AKAP6: variants seen among roughly 807,000 people sequenced by gnomAD.
AKAP6 encodes the protein A-kinase anchoring protein 6, also known as A-kinase anchor protein 6.
In AKAP6, 58 loss-of-function variants were observed where a neutral mutation model predicts 188.5. That is an observed-to-expected ratio of 0.31 (90% confidence interval 0.25 to 0.38). The LOEUF (loss-of-function observed/expected upper bound fraction) is 0.38, where lower values mean the gene tolerates loss of function less well. AKAP6 is among the 10% of genes least tolerant of loss of function. The pLI, the probability that AKAP6 is intolerant of heterozygous loss-of-function variation, is 1.00. For missense variants in AKAP6, 2,710 were observed against 2,740.0 expected (o/e 0.99, Z 0.24); for synonymous variants, 989 against 998.6 (o/e 0.99, Z 0.18).
rs1566746738 is a variant in AKAP6 at position 32,832,811 on chromosome 14, A to G, written c.*3006A>G. 1 of 152,632 alleles carries G rather than the reference A, an allele frequency of 6.6e-6. No individual in the cohort carries two copies. The highest frequency in any genetic ancestry group is 1.5e-5 in the Non-Finnish European group (1 of 68,054). 9.5% of individuals were successfully genotyped at this position (152,632 alleles called of 1,614,324 possible). ...TCTTTCTCATGGCAACCCTGAAGAT[A>G]ATCAAGGCCAGTTACTCATCATCTC... On this transcript the variant is annotated 3_prime_UTR_variant, in exon 14 of 14. Transcript: ENST00000280979.
intron 9 of AKAP6, among the ~76,000 whole-genome samples, chr14:32,705,017 G>A (rs181352817): frequency 9.0e-4 from 137 of 152,290 alleles, no homozygotes; most frequent in Admixed American, 2.4e-3. Context: ...TAGATGGTAA[G>A]GCGCAAGGGA....
chr14:32,781,133 C>A (rs751905490), intron 12 of AKAP6, among the ~76,000 whole-genome samples: 2 of 151,270 alleles, frequency 1.3e-5, no homozygotes, highest in Non-Finnish European at 2.9e-5. Context: ...AGAAAAAAAT[C>A]AATGAAATGA....
intron 9 of AKAP6, among the ~76,000 whole-genome samples, chr14:32,704,113 T>C (rs527891402): frequency 1.3e-3 from 204 of 152,308 alleles, no homozygotes; most frequent in Middle Eastern, 0.01. Flanking sequence ...TATCTCATTG[T>C]GCTGCTTGGT....
intron 7 of AKAP6, among the ~76,000 whole-genome samples, chr14:32,615,523 A>G (rs938813988): frequency 6.6e-6 from 1 of 151,546 alleles, no homozygotes; most frequent in African/African-American, 2.4e-5. Flanking sequence ...ATGTAATTTG[A>G]ATATTTCTCT....
chr14:32,434,253 T>A (rs1021881942), intron 2 of AKAP6, among the ~76,000 whole-genome samples: 2 of 152,190 alleles, frequency 1.3e-5, no homozygotes, highest in East Asian at 1.9e-4. Context: ...AATTCTGACA[T>A]AGTAGGGAAG....
intron 9 of AKAP6, among the ~76,000 whole-genome samples, chr14:32,703,566 T>G (rs535999550): frequency 6.6e-6 from 1 of 152,322 alleles, no homozygotes; most frequent in African/African-American, 2.4e-5. Context: ...ATAACAGTTA[T>G]GTTTCTCTTG....
At chr14:32,351,880 T>C (rs1887285419) in intron 1 of AKAP6, among the ~76,000 whole-genome samples, 1 of 152,180 alleles carries the variant, frequency 6.6e-6, no homozygotes, top group Admixed American at 6.5e-5. Context: ...CAGATCCAAA[T>C]AAATTACTAA....
At chr14:32,502,939 T>C (rs1436631799) in intron 2 of AKAP6, among the ~76,000 whole-genome samples, 1 of 152,152 alleles carries the variant, frequency 6.6e-6, no homozygotes, top group Non-Finnish European at 1.5e-5. Context: ...ACATATTGCA[T>C]ACATAAATTC....
intron 1 of AKAP6, among the ~76,000 whole-genome samples, chr14:32,367,887 A>G (rs1199833285): frequency 6.6e-6 from 1 of 152,096 alleles, no homozygotes; most frequent in African/African-American, 2.4e-5. Flanking sequence ...ATCTCCACCA[A>G]CTCACAGTTT....
At chr14:32,590,875 CA>C (rs1885459057) in intron 5 of AKAP6, among the ~76,000 whole-genome samples, 1 of 152,152 alleles carries the variant, frequency 6.6e-6, no homozygotes, top group African/African-American at 2.4e-5. Flanking sequence ...AATAACTTGA[CA>C]TTACAAAATT....
intron 11 of AKAP6, among the ~76,000 whole-genome samples, chr14:32,744,184 T>G (rs2031794256): frequency 6.6e-6 from 1 of 152,216 alleles, no homozygotes; most frequent in Non-Finnish European, 1.5e-5. Context: ...TATTTGCTTC[T>G]TTTCTCTTGC....
intron 1 of AKAP6, among the ~76,000 whole-genome samples, chr14:32,426,831 G>A (rs1048745055): frequency 6.6e-6 from 1 of 152,154 alleles, no homozygotes; most frequent in Non-Finnish European, 1.5e-5. Flanking sequence ...CCTGCCATGG[G>A]AAGATCTGAA....
At chr14:32,488,500 T>C (rs926151751) in intron 2 of AKAP6, among the ~76,000 whole-genome samples, 10 of 152,186 alleles carry the variant, frequency 6.6e-5, no homozygotes, top group Non-Finnish European at 4.4e-5. Flanking sequence ...GCAAGATCAC[T>C]TGGCTCCCTG....
At chr14:32,737,342 C>G (rs973691459) in intron 11 of AKAP6, among the ~76,000 whole-genome samples, 1 of 152,078 alleles carries the variant, frequency 6.6e-6, no homozygotes, top group African/African-American at 2.4e-5. Context: ...GCTATTTACT[C>G]TTAGTGTTTG....
chr14:32,425,776 AT>A (rs1197237426), intron 1 of AKAP6, among the ~76,000 whole-genome samples: 12 of 151,932 alleles, frequency 7.9e-5, no homozygotes, highest in African/African-American at 4.8e-5. Context: ...GTTTGCAAAA[AT>A]TTTCTCCCAT....
chr14:32,459,303 GT>G (rs34885082), intron 2 of AKAP6, among the ~76,000 whole-genome samples: 51,702 of 151,926 alleles, frequency 0.34, 11,247 homozygotes, highest in Non-Finnish European at 0.49. Context: ...ATGTTCTAGA[GT>G]TTGGTCATAC....
intron 2 of AKAP6, among the ~76,000 whole-genome samples, chr14:32,440,997 A>C (rs1368681276): frequency 6.6e-6 from 1 of 152,204 alleles, no homozygotes; most frequent in Non-Finnish European, 1.5e-5. Flanking sequence ...GACCTCATAA[A>C]GAAAGGTTAC....
At chr14:32,467,487 A>G (rs1878529080) in intron 2 of AKAP6, among the ~76,000 whole-genome samples, 1 of 152,174 alleles carries the variant, frequency 6.6e-6, no homozygotes, top group African/African-American at 2.4e-5. Context: ...CATTTATATA[A>G]AGATTTTCAC....
intron 2 of AKAP6, among the ~76,000 whole-genome samples, chr14:32,451,408 G>C (rs1449623958): frequency 1.3e-5 from 2 of 152,136 alleles, no homozygotes; most frequent in Non-Finnish European, 2.9e-5. Context: ...TTGCACAAAA[G>C]ATATAGCTTT....
Sources: allele counts gnomAD v4.1 joint callset (sites outside exome capture counted in the v4.1 genomes callset), GRCh38; gene constraint gnomAD v4.1.1; transcripts MANE v1.5; gene names NCBI Gene and HGNC (gene_info 2026-07-23, HGNC 2026-07-21).